Variants in ADAM22 observed in about 807,000 individuals in gnomAD.
ADAM22 encodes the protein disintegrin and metalloproteinase domain-containing protein 22.
ADAM22 carries 65 observed loss-of-function variants against 144.6 expected under a neutral mutation model. The observed-to-expected ratio is 0.45, with a 90% CI of 0.37 to 0.55. The LOEUF is 0.55. Ranked by LOEUF, ADAM22 falls within the 20% of genes least tolerant of loss-of-function variation. The probability of loss-of-function intolerance (pLI) is 0.00; values close to 1 mark genes in which losing one functional copy is unlikely to be tolerated. For synonymous variants in ADAM22, 391 were observed against 412.6 expected (o/e 0.95, Z 0.63); for missense variants, 974 against 1,184.9 (o/e 0.82, Z 2.61).
At chr7:88,121,823 A>T (rs1419051609) in intron 7 of ADAM22, among the ~76,000 whole-genome samples, 3 of 152,248 alleles carry the variant, frequency 2.0e-5, no homozygotes, top group Admixed American at 1.3e-4. Flanking sequence ...ATTAGAAATG[A>T]GTCACAGAGT....
In ADAM22 at chr7:88,125,455, AT is replaced by A. The variant is rs1830187995; in HGVS notation, c.608-133del. On this transcript the variant is annotated intron_variant, in intron 7 of 31. Transcript: ENST00000413139. ...AGTATTAATATACTACAGTTACTTA[AT>A]GGTTTGTGTGATCGTTAAGTGCAAC... is the stretch of plus-strand genomic sequence containing the variant. 8.8e-6 allele frequency: 5 copies of A among 569,206 alleles called. No individual in the cohort carries two copies. The East Asian group carries it at 1.7e-4, about 19-fold the overall frequency. 35.3% of individuals were successfully genotyped at this position (569,206 alleles called of 1,614,324 possible).
intron 3 of ADAM22, among the ~76,000 whole-genome samples, chr7:88,056,651 A>G (rs150749153): frequency 1.3e-5 from 2 of 152,294 alleles, no homozygotes; most frequent in Admixed American, 1.3e-4. Context: ...AATTGATAAT[A>G]TATATGATGT....
intron 4 of ADAM22, among the ~76,000 whole-genome samples, chr7:88,104,956 T>G (rs1023990335): frequency 6.6e-6 from 1 of 152,190 alleles, no homozygotes; most frequent in East Asian, 1.9e-4. Context: ...TCCTATTTTT[T>G]TCAAATCAGA....
intron 2 of ADAM22, among the ~76,000 whole-genome samples, chr7:87,937,370 G>GT (rs1180670874): frequency 6.6e-6 from 1 of 152,096 alleles, no homozygotes; most frequent in Admixed American, 6.5e-5. Context: ...ATCTTGTAGA[G>GT]TTGCTCAGAG....
intron 3 of ADAM22, among the ~76,000 whole-genome samples, chr7:87,989,387 A>G (rs1789231125): frequency 6.6e-6 from 1 of 151,834 alleles, no homozygotes; most frequent in Non-Finnish European, 1.5e-5. Flanking sequence ...ATTATTGTAT[A>G]TTATTTATTT....
At chr7:87,972,962 A>G (rs1020516475) in intron 2 of ADAM22, among the ~76,000 whole-genome samples, 3 of 152,258 alleles carry the variant, frequency 2.0e-5, no homozygotes, top group African/African-American at 7.2e-5. Flanking sequence ...TTAAAGACTT[A>G]AATGGTAAAC....
At chr7:87,982,066 T>TACACACACACACACACACACAC (rs376989136) in intron 3 of ADAM22, among the ~76,000 whole-genome samples, 11 of 86,460 alleles carry the variant, frequency 1.3e-4, no homozygotes, top group Non-Finnish European at 1.9e-4. Flanking sequence ...TATATATATA[T>TACACACACACACACACACACAC]ATACACACAC....
intron 2 of ADAM22, among the ~76,000 whole-genome samples, chr7:87,937,155 AC>A (rs1420742815): frequency 6.6e-6 from 1 of 152,042 alleles, no homozygotes; most frequent in Non-Finnish European, 1.5e-5. Context: ...ATGGGATTTC[AC>A]CATGTTGCGC....
intron 7 of ADAM22, among the ~76,000 whole-genome samples, chr7:88,121,444 CA>C (rs770935225): frequency 3.3e-5 from 5 of 152,124 alleles, no homozygotes; most frequent in Non-Finnish European, 5.9e-5. Flanking sequence ...CTTTAATAAA[CA>C]AATATTTATT....
At chr7:88,090,392 G>A (rs1008025319) in intron 4 of ADAM22, among the ~76,000 whole-genome samples, 2 of 152,148 alleles carry the variant, frequency 1.3e-5, no homozygotes, top group African/African-American at 4.8e-5. Context: ...ATGCTAATCA[G>A]AACCAAGTTA....
At chr7:88,034,461 A>T (rs1801028386) in intron 3 of ADAM22, among the ~76,000 whole-genome samples, 1 of 152,138 alleles carries the variant, frequency 6.6e-6, no homozygotes, top group East Asian at 1.9e-4. Flanking sequence ...TTGAAGCAGA[A>T]GGAAGAAGTC....
chr7:88,007,165 G>A (rs1055842222), intron 3 of ADAM22, among the ~76,000 whole-genome samples: 41 of 152,126 alleles, frequency 2.7e-4, no homozygotes, highest in Non-Finnish European at 4.9e-4. Flanking sequence ...CAAAGAGAAT[G>A]AGATACTTAG....
chr7:87,981,352 A>G (rs1440148518), intron 3 of ADAM22, among the ~76,000 whole-genome samples: 2 of 152,128 alleles, frequency 1.3e-5, no homozygotes, highest in Non-Finnish European at 2.9e-5. Context: ...TTTTGAGTGT[A>G]TTTTACAGAT....
chr7:87,960,141 C>A (rs572357401), intron 2 of ADAM22, among the ~76,000 whole-genome samples: 3 of 152,164 alleles, frequency 2.0e-5, no homozygotes, highest in African/African-American at 7.2e-5. Flanking sequence ...TATTTTAATA[C>A]TTATCAATCA....
Position 87,934,363 on chromosome 7 carries a change from G to A in ADAM22, c.-103G>A. 1.8e-6 allele frequency: 2 copies of A among 1,135,294 alleles called. No homozygotes were observed. Among genetic ancestry groups the A allele is most frequent in the Non-Finnish European group, 2.5e-6 (2 of 807,898 alleles). The allele number at this position is 1,135,294 out of a possible 1,614,324, so 70.3% of individuals were successfully genotyped here. A position where few individuals can be genotyped will look rare whatever the true frequency, so the allele number is the denominator to read the frequency against. ...GCAGCACCGGCCGGGGCTGGGTGGAGGTGGCCGCGGGGACCCCGGGGGCGC... is the reference window on the plus strand; with the variant it reads ...GCAGCACCGGCCGGGGCTGGGTGGAAGTGGCCGCGGGGACCCCGGGGGCGC... On this transcript the variant is annotated 5_prime_UTR_variant, in exon 1 of 32. Transcript: ENST00000413139.
intron 2 of ADAM22, among the ~76,000 whole-genome samples, chr7:87,957,790 G>A (rs1376773057): frequency 1.3e-5 from 2 of 152,078 alleles, no homozygotes; most frequent in African/African-American, 4.8e-5. Flanking sequence ...CACCATGTTA[G>A]CCAGGTGGTC....
At chr7:88,119,615 A>G (rs1320147589) in intron 7 of ADAM22, among the ~76,000 whole-genome samples, 1 of 152,092 alleles carries the variant, frequency 6.6e-6, no homozygotes, top group Non-Finnish European at 1.5e-5. Context: ...CAGGCTCCCG[A>G]GTAGCTGGGA....
chr7:87,974,717 A>G (rs1851476047), intron 2 of ADAM22, among the ~76,000 whole-genome samples: 2 of 152,148 alleles, frequency 1.3e-5, no homozygotes, highest in Non-Finnish European at 2.9e-5. Context: ...AACAACAACA[A>G]CTTATTGTCT....
chr7:88,004,691 T>G (rs562563734), intron 3 of ADAM22, among the ~76,000 whole-genome samples: 10 of 152,332 alleles, frequency 6.6e-5, no homozygotes, highest in African/African-American at 2.4e-4. Flanking sequence ...ACATTATTAG[T>G]AATGTAAATT....
Sources: gnomAD v4.1 joint callset for allele counts (sites outside exome capture counted in the v4.1 genomes callset) on GRCh38, gnomAD v4.1.1 for gene constraint, MANE v1.5 for transcripts, NCBI Gene and HGNC (gene_info 2026-07-23, HGNC 2026-07-21) for gene names.